Variants in CAPS2 observed in about 807,000 individuals in gnomAD.
CAPS2 encodes the protein calcyphosine 2.
In CAPS2, 98 loss-of-function variants were observed where a neutral mutation model predicts 86.5. That is an observed-to-expected ratio of 1.13 (90% CI 0.96 to 1.34). CAPS2 has a LOEUF of 1.34. CAPS2 is among the 40% of genes most tolerant of loss of function. The pLI is 0.00. For missense variants in CAPS2, 729 were observed against 686.8 expected (o/e 1.06, Z -0.69); for synonymous variants, 210 against 225.1 (o/e 0.93, Z 0.60).
At chr12:75,325,369 A>G (rs370884037) in intron 1 of CAPS2, 81 bp from the exon 3 acceptor site, 2 of 1,022,936 alleles carry the variant, frequency 2.0e-6, no homozygotes, top group Non-Finnish European at 1.4e-6. Flanking sequence ...CAATAAGTCA[A>G]TGCAATAAAG....
downstream of CAPS2, chr12:75,276,101 G>C (rs893998114): frequency 2.6e-6 from 3 of 1,167,054 alleles, no homozygotes; most frequent in Admixed American, 7.2e-5. Flanking sequence ...CTCATGATCA[G>C]AAACGAATAC....
rs749795642 is a variant in CAPS2, at chr12:75,367,041, GAC to G, written c.-395+23795_-395+23796del. On this transcript the variant is annotated intron_variant, in intron 1 of 5. Transcript: ENST00000551829. ...AAGTCTCTCATTTATCTCTAAAAAT[GAC>G]AGTTTAAGTTTCTCACAAAAATGCA... 8.6e-6 allele frequency: 6 copies of G among 700,470 alleles called. No homozygotes were observed. The South Asian group carries it at 8.9e-5, about 10-fold the overall frequency. The allele number at this position is 700,470 out of a possible 1,614,324, so 43.4% of individuals were successfully genotyped here.
At chr12:75,327,100 C>T (rs563485892), upstream of CAPS2, among the ~76,000 whole-genome samples, 2 of 152,270 alleles carry the variant, frequency 1.3e-5, no homozygotes, top group Admixed American at 1.3e-4. Flanking sequence ...TACTTCTGAC[C>T]TCCAGAACTA....
upstream of CAPS2, among the ~76,000 whole-genome samples, chr12:75,329,485 A>AT (rs11382401): frequency 0.97 from 146,560 of 150,488 alleles, 71,476 homozygotes; most frequent in Middle Eastern, 1. Context: ...CATTTCCCTC[A>AT]TTTTTTTTTA....
chr12:75,345,351 T>A (rs2042381357), intron 1 of CAPS2, among the ~76,000 whole-genome samples: 1 of 152,186 alleles, frequency 6.6e-6, no homozygotes, highest in African/African-American at 2.4e-5. Flanking sequence ...TCTCAATTTT[T>A]AAAATTATTT....
chr12:75,385,123 A>G (rs2045221661), intron 1 of CAPS2, among the ~76,000 whole-genome samples: 2 of 152,212 alleles, frequency 1.3e-5, no homozygotes. Flanking sequence ...GACTTTGCAG[A>G]GAGTTCTCAA....
chr12:75,384,027 A>G (rs1445790531), intron 1 of CAPS2, among the ~76,000 whole-genome samples: 1 of 152,202 alleles, frequency 6.6e-6, no homozygotes, highest in Non-Finnish European at 1.5e-5. Context: ...AGCATTGCTT[A>G]GAGGTAAATT....
chr12:75,354,116 C>T (rs1241478952), intron 1 of CAPS2, among the ~76,000 whole-genome samples: 2 of 132,396 alleles, frequency 1.5e-5, no homozygotes, highest in African/African-American at 3.0e-5. Context: ...CACTTCTATT[C>T]AACATAGTAT....
intron 1 of CAPS2, among the ~76,000 whole-genome samples, chr12:75,343,221 A>T (rs2042233270): frequency 6.6e-6 from 1 of 152,040 alleles, no homozygotes; most frequent in African/African-American, 2.4e-5. Flanking sequence ...ATCTTGAGGG[A>T]AAGTTTTAGT....
At chr12:75,366,855 A>G in intron 1 of CAPS2, 1 of 700,930 alleles carries the variant, frequency 1.4e-6, no homozygotes, top group Non-Finnish European at 2.6e-6. Context: ...CATTTCTTGA[A>G]TGAGTCTTTT....
chr12:75,370,139 C>A (rs1459406546), intron 1 of CAPS2: 1 of 1,602,906 alleles, frequency 6.2e-7, no homozygotes, highest in Admixed American at 1.7e-5. Flanking sequence ...GCCTTTAATC[C>A]ATTCAGCTTA....
intron 1 of CAPS2, among the ~76,000 whole-genome samples, chr12:75,351,340 C>T (rs1158505575): frequency 1.3e-5 from 2 of 152,062 alleles, no homozygotes; most frequent in Non-Finnish European, 2.9e-5. Context: ...AGAGAACCCC[C>T]GTAAGATACT....
At chr12:75,339,677 ATGGTAT>A (rs2041972933) in intron 1 of CAPS2, among the ~76,000 whole-genome samples, 1 of 152,106 alleles carries the variant, frequency 6.6e-6, no homozygotes, top group Non-Finnish European at 1.5e-5. Context: ...TATGTCCTGA[ATGGTAT>A]TGCCTAGATT....
chr12:75,278,896 C>G (rs768864375), exon 17 of CAPS2: 7 of 1,558,978 alleles, frequency 4.5e-6, no homozygotes, highest in Non-Finnish European at 6.0e-6. Flanking sequence ...AAGACTAAAT[C>G]CCCCATGGAG....
At chr12:75,335,049 G>A (rs1439116537), upstream of CAPS2, 6 of 707,230 alleles carry the variant, frequency 8.5e-6, no homozygotes, top group African/African-American at 7.2e-5. Context: ...CCTTGGTTGG[G>A]CTGTCTCCTC....
At chr12:75,277,718 T>C (rs2033175096) in exon 17 of CAPS2, 1 of 846,552 alleles carries the variant, frequency 1.2e-6, no homozygotes, top group Non-Finnish European at 1.4e-6. Flanking sequence ...ATGTCTAAAG[T>C]CATATTCTAC....
At chr12:75,375,272 G>C (rs778349401) in intron 1 of CAPS2, among the ~76,000 whole-genome samples, 2 of 152,132 alleles carry the variant, frequency 1.3e-5, no homozygotes, top group Non-Finnish European at 2.9e-5. Flanking sequence ...AGTCAGAACT[G>C]AGCTAAAATT....
At chr12:75,293,841 TC>T (rs1362735814) in intron 11 of CAPS2, among the ~76,000 whole-genome samples, 1 of 152,204 alleles carries the variant, frequency 6.6e-6, no homozygotes, top group Non-Finnish European at 1.5e-5. Flanking sequence ...AAAATTCCTA[TC>T]AAAAAATCTT....
chr12:75,312,425 T>G (rs1389776086), intron 7 of CAPS2, among the ~76,000 whole-genome samples: 1 of 152,146 alleles, frequency 6.6e-6, no homozygotes, highest in Non-Finnish European at 1.5e-5. Context: ...AAAGCAAATA[T>G]CAGGTGAAAA....
Sources: gnomAD v4.1 joint callset for allele counts (sites outside exome capture counted in the v4.1 genomes callset) on GRCh38, gnomAD v4.1.1 for gene constraint, MANE v1.5 for transcripts, NCBI Gene and HGNC (gene_info 2026-07-23, HGNC 2026-07-21) for gene names.